The following CACNA2D3 variants were observed in gnomAD, a reference collection of about 807,000 sequenced individuals.
CACNA2D3 encodes the protein voltage-dependent calcium channel subunit alpha-2/delta-3.
CACNA2D3 carries 60 observed loss-of-function variants against 160.6 expected under a neutral mutation model. The ratio of observed to expected loss-of-function variants is 0.37; its 90% CI spans 0.30 to 0.46. The LOEUF is 0.46. CACNA2D3 is among the 20% of genes least tolerant of loss of function. The pLI, the probability that CACNA2D3 is intolerant of heterozygous loss-of-function variation, is 1.00. For synonymous variants in CACNA2D3, 558 were observed against 492.9 expected, an observed-to-expected ratio of 1.13 and a Z score of -1.75; for missense variants, 1,205 against 1,365.0, an observed-to-expected ratio of 0.88 and a Z score of 1.85.
chr3:54,771,084 G>A (rs1702312194), intron 13 of CACNA2D3, among the ~76,000 whole-genome samples: 1 of 152,104 alleles, frequency 6.6e-6, no homozygotes, highest in Admixed American at 6.6e-5. Context: ...TGGGGGCTGG[G>A]TTAGTGTCTG....
chr3:54,173,865 G>A (rs1324216882), intron 2 of CACNA2D3, among the ~76,000 whole-genome samples: 1 of 152,178 alleles, frequency 6.6e-6, no homozygotes, highest in Non-Finnish European at 1.5e-5. Context: ...AGCTTATAGA[G>A]TGTCAGCGTG....
intron 11 of CACNA2D3, among the ~76,000 whole-genome samples, chr3:54,736,018 C>CAT (rs1245051455): frequency 3.7e-5 from 3 of 80,938 alleles, no homozygotes; most frequent in Admixed American, 1.3e-4. Flanking sequence ...TATATATATA[C>CAT]ACATACATAT....
chr3:54,466,117 C>T (rs1057466110), intron 4 of CACNA2D3, among the ~76,000 whole-genome samples: 1 of 152,172 alleles, frequency 6.6e-6, no homozygotes, highest in Non-Finnish European at 1.5e-5. Flanking sequence ...GCTTTTGAAT[C>T]GGGTTCACAT....
chr3:54,482,520 C>T (rs1394273165), intron 4 of CACNA2D3, among the ~76,000 whole-genome samples: 2 of 152,090 alleles, frequency 1.3e-5, no homozygotes, highest in Non-Finnish European at 2.9e-5. Context: ...AAGACTAATG[C>T]CCATAATTTA....
intron 2 of CACNA2D3, among the ~76,000 whole-genome samples, chr3:54,291,460 A>G (rs969401075): frequency 6.6e-6 from 1 of 152,164 alleles, no homozygotes; most frequent in Non-Finnish European, 1.5e-5. Context: ...TATTGGTGAA[A>G]GCGCAAATCA....
At chr3:54,465,193 T>C (rs1700598851) in intron 4 of CACNA2D3, among the ~76,000 whole-genome samples, 1 of 152,060 alleles carries the variant, frequency 6.6e-6, no homozygotes, top group South Asian at 2.1e-4. Flanking sequence ...TTTCCAAGAT[T>C]TTTTTAATGA....
intron 4 of CACNA2D3, among the ~76,000 whole-genome samples, chr3:54,406,933 TAAC>T (rs1223000017): frequency 6.6e-6 from 1 of 152,098 alleles, no homozygotes; most frequent in African/African-American, 2.4e-5. Flanking sequence ...ATATATGCAA[TAAC>T]ATTTATTTTT....
chr3:54,298,718 A>G (rs540703478), intron 2 of CACNA2D3, among the ~76,000 whole-genome samples: 1 of 152,136 alleles, frequency 6.6e-6, no homozygotes, highest in African/African-American at 2.4e-5. Context: ...AGGTGGGGGG[A>G]ATTACCCAAG....
chr3:54,175,345 G>T (rs1024716835), intron 2 of CACNA2D3, among the ~76,000 whole-genome samples: 1 of 152,034 alleles, frequency 6.6e-6, no homozygotes, highest in Admixed American at 6.6e-5. Flanking sequence ...GGCCGGGCGC[G>T]GTGGTTTACG....
At chr3:54,218,526 C>T (rs758379957) in intron 2 of CACNA2D3, among the ~76,000 whole-genome samples, 4 of 152,234 alleles carry the variant, frequency 2.6e-5, no homozygotes, top group Non-Finnish European at 5.9e-5. Flanking sequence ...TTCTGTCTTA[C>T]AGTTTTTATT....
chr3:54,989,987 T>C (rs1203217210), intron 31 of CACNA2D3, among the ~76,000 whole-genome samples: 1 of 152,194 alleles, frequency 6.6e-6, no homozygotes, highest in East Asian at 1.9e-4. Context: ...AGAAGATCTA[T>C]AGTTCAGAAG....
At chr3:54,697,673 G>A (rs1700689222) in intron 11 of CACNA2D3, among the ~76,000 whole-genome samples, 2 of 152,138 alleles carry the variant, frequency 1.3e-5, no homozygotes, top group Admixed American at 6.5e-5. Flanking sequence ...TATTTTTCAT[G>A]CATTCCAGAG....
At position 54,551,218 on chromosome 3, in the gene CACNA2D3, C is replaced by T. The variant is rs1324655263; in HGVS notation, c.545-11582C>T. On this transcript the variant is annotated intron_variant, in intron 5 of 37. Coordinates refer to ENST00000474759, the MANE Select transcript of CACNA2D3 (RefSeq NM_018398.3). ...GGACCACTCTACAACCTGCCCACCC[C>T]ATGCCTCTGCGTTCTGCAGATTCCA... Among the ~76,000 whole-genome samples, 2 of 152,206 alleles carry T rather than the reference C, an allele frequency of 1.3e-5. 1 individual carries two copies. Among genetic ancestry groups the T allele is most frequent in the Admixed American group, 1.3e-4 (2 of 15,288 alleles).
At position 54,801,283 on chromosome 3, in the gene CACNA2D3, C is replaced by T. The variant is rs150854596; in HGVS notation, c.1381-15570C>T. ...GATTACAGGGGTGAGCCATCATGCC[C>T]GGCCTGGAATATCTTTAAAAATGAA... On this transcript the variant is annotated intron_variant, in intron 13 of 37. Transcript: ENST00000474759. Among the ~76,000 whole-genome samples, 99 of 152,234 alleles carry T rather than the reference C, an allele frequency of 6.5e-4. 2 individuals carry two copies. The South Asian group carries it at 0.011, about 17-fold the overall frequency.
intron 29 of CACNA2D3, among the ~76,000 whole-genome samples, chr3:54,983,956 C>A (rs1023141219): frequency 2.6e-5 from 4 of 152,126 alleles, no homozygotes; most frequent in African/African-American, 9.7e-5. Context: ...TTTGGGCTTA[C>A]CTTGCTTTCT....
intron 35 of CACNA2D3, among the ~76,000 whole-genome samples, chr3:55,028,922 G>A (rs903493776): frequency 3.3e-5 from 5 of 152,032 alleles, no homozygotes; most frequent in Non-Finnish European, 5.9e-5. Context: ...TTCTCCCCAC[G>A]CACCTTTCAT....
At chr3:54,296,812 G>A (rs554757589) in intron 2 of CACNA2D3, among the ~76,000 whole-genome samples, 1 of 152,306 alleles carries the variant, frequency 6.6e-6, no homozygotes, top group East Asian at 1.9e-4. Flanking sequence ...GTGTTGTGGG[G>A]AAAAAGGAGA....
intron 11 of CACNA2D3, among the ~76,000 whole-genome samples, chr3:54,699,600 G>A (rs975658092): frequency 1.3e-5 from 2 of 151,988 alleles, no homozygotes; most frequent in African/African-American, 4.8e-5. Flanking sequence ...TTAATATAAG[G>A]GCACACCCCA....
intron 29 of CACNA2D3, among the ~76,000 whole-genome samples, chr3:54,975,396 G>A (rs954299857): frequency 7.2e-5 from 11 of 152,016 alleles, no homozygotes; most frequent in African/African-American, 1.9e-4. Context: ...GTGTGCACCT[G>A]TAGTCTCAGC....
Sources: gnomAD v4.1 joint callset for allele counts (sites outside exome capture counted in the v4.1 genomes callset) on GRCh38, gnomAD v4.1.1 for gene constraint, MANE v1.5 for transcripts, NCBI Gene and HGNC (gene_info 2026-07-23, HGNC 2026-07-21) for gene names.